Variants in SPRR2B observed in about 807,000 individuals in gnomAD.
The protein encoded by SPRR2B is small proline rich protein 2B.
Under a neutral mutation model 1.0 loss-of-function variants are expected in SPRR2B, and 1 was observed. The ratio of observed to expected loss-of-function variants is 1.01; its 90% CI spans 0.36 to 4.77. The LOEUF (loss-of-function observed/expected upper bound fraction) is 4.77. Among genes scored for constraint, SPRR2B ranks in the 30% most tolerant of loss-of-function variants. SPRR2B has a pLI of 0.16. For synonymous variants in SPRR2B, 27 were observed against 33.4 expected (o/e 0.81, Z 0.66); for missense variants, 53 against 88.7 (o/e 0.60, Z 1.62).
In SPRR2B at chr1:153,071,586, A is replaced by G. The variant is rs1654667481; in HGVS notation, c.-37T>C. Among the ~76,000 whole-genome samples, 1 of 152,042 alleles carries G rather than the reference A, an allele frequency of 6.6e-6. No homozygotes were observed. The highest frequency in any genetic ancestry group is 2.1e-4 in the South Asian group (1 of 4,830). ...AGACTAACCAGTTTCTCCAAAGCAG[A>G]TCGGTGCTCGAGTACCAGGAGTTTA... On this transcript the variant is annotated 5_prime_UTR_variant, in exon 1 of 2. Transcript: ENST00000368755.
the SPRR2B span, among the ~76,000 whole-genome samples, chr1:153,083,492 G>A: frequency 1.3e-5 from 2 of 152,194 alleles, no homozygotes; most frequent in African/African-American, 2.4e-5. Context: ...GATGCAGCCA[G>A]GTGGAACAGC....
chr1:153,075,084 G>A (rs1313303643), upstream of SPRR2B, among the ~76,000 whole-genome samples: 1 of 152,158 alleles, frequency 6.6e-6, no homozygotes, highest in Non-Finnish European at 1.5e-5. Flanking sequence ...GGTGGCTCAT[G>A]CCTGAAATCC....
At chr1:153,077,774 C>T in the SPRR2B span, among the ~76,000 whole-genome samples, 4 of 152,106 alleles carry the variant, frequency 2.6e-5, no homozygotes, top group Admixed American at 1.3e-4. Context: ...GCCACCACAC[C>T]CAGCTAATTT....
At chr1:153,078,349 T>A in the SPRR2B span, among the ~76,000 whole-genome samples, 1 of 148,444 alleles carries the variant, frequency 6.7e-6, no homozygotes, top group African/African-American at 2.5e-5. Flanking sequence ...ATATATTTCT[T>A]TTAAGGAGCT....
At chr1:153,085,893 A>C in the SPRR2B span, among the ~76,000 whole-genome samples, 3 of 152,238 alleles carry the variant, frequency 2.0e-5, no homozygotes, top group Non-Finnish European at 4.4e-5. Flanking sequence ...TTCTTAGAGA[A>C]AAGAAATACC....
At chr1:153,085,104 C>T in the SPRR2B span, among the ~76,000 whole-genome samples, 2 of 152,210 alleles carry the variant, frequency 1.3e-5, no homozygotes, top group Non-Finnish European at 1.5e-5. Flanking sequence ...TCTGACAACT[C>T]AAAAAGCCAA....
the SPRR2B span, among the ~76,000 whole-genome samples, chr1:153,080,373 C>T: frequency 6.6e-6 from 1 of 152,138 alleles, no homozygotes; most frequent in Non-Finnish European, 1.5e-5. Flanking sequence ...CACCTTACAG[C>T]TTTCTCAAGA....
the SPRR2B span, among the ~76,000 whole-genome samples, chr1:153,084,041 A>G: frequency 6.6e-6 from 1 of 152,152 alleles, no homozygotes; most frequent in Non-Finnish European, 1.5e-5. Flanking sequence ...GCCTGGATGC[A>G]CTTCCTTGCA....
At chr1:153,087,674 ACC>A in the SPRR2B span, among the ~76,000 whole-genome samples, 1 of 152,122 alleles carries the variant, frequency 6.6e-6, no homozygotes, top group African/African-American at 2.4e-5. Context: ...GGACACATAC[ACC>A]CTCCAAACCC....
the SPRR2B span, among the ~76,000 whole-genome samples, chr1:153,079,011 C>T: frequency 0.048 from 7,248 of 152,272 alleles, 574 homozygotes; most frequent in African/African-American, 0.17. Flanking sequence ...TCTCCACATC[C>T]TCTCCAGCAC....
the SPRR2B span, among the ~76,000 whole-genome samples, chr1:153,083,013 G>A: frequency 1.3e-5 from 2 of 152,198 alleles, no homozygotes; most frequent in Admixed American, 6.5e-5. Flanking sequence ...TTAAAAGAAA[G>A]GAGGAACATT....
chr1:153,087,762 C>T, the SPRR2B span, among the ~76,000 whole-genome samples: 1 of 152,122 alleles, frequency 6.6e-6, no homozygotes, highest in South Asian at 2.1e-4. Context: ...AATAGCCTAC[C>T]AGCCGAAATA....
the SPRR2B span, among the ~76,000 whole-genome samples, chr1:153,083,875 AG>A: frequency 2.6e-5 from 4 of 152,328 alleles, no homozygotes; most frequent in South Asian, 8.3e-4. Context: ...GAGCAGGGCT[AG>A]GGATGGCCAT....
the SPRR2B span, among the ~76,000 whole-genome samples, chr1:153,076,846 A>G: frequency 1.3e-5 from 2 of 152,358 alleles, no homozygotes; most frequent in Admixed American, 6.5e-5. Context: ...CATCACACCC[A>G]TGCAATGGAA....
upstream of SPRR2B, among the ~76,000 whole-genome samples, chr1:153,074,475 G>C (rs1008292726): frequency 1.3e-5 from 2 of 152,180 alleles, no homozygotes; most frequent in African/African-American, 4.8e-5. Flanking sequence ...GAAAGGCTAA[G>C]CATCCATTGT....
the SPRR2B span, among the ~76,000 whole-genome samples, chr1:153,078,126 T>A: frequency 2.7e-4 from 41 of 152,146 alleles, no homozygotes; most frequent in African/African-American, 9.6e-4. Context: ...CAACACAAAT[T>A]GGAAGAATGA....
At chr1:153,072,961 T>A (rs980216397), upstream of SPRR2B, among the ~76,000 whole-genome samples, 3 of 152,110 alleles carry the variant, frequency 2.0e-5, no homozygotes, top group African/African-American at 4.8e-5. Flanking sequence ...TGTGGTTTTA[T>A]AATTGGAGAA....
chr1:153,082,845 A>G, the SPRR2B span, among the ~76,000 whole-genome samples: 1 of 152,202 alleles, frequency 6.6e-6, no homozygotes, highest in African/African-American at 2.4e-5. Flanking sequence ...AAAAGAAAAC[A>G]TGAGCCTAGC....
At chr1:153,074,074 C>T (rs1654729028), upstream of SPRR2B, among the ~76,000 whole-genome samples, 1 of 152,126 alleles carries the variant, frequency 6.6e-6, no homozygotes, top group Non-Finnish European at 1.5e-5. Flanking sequence ...CCTCTGCTCC[C>T]CACTTATAGC....
Sources: gnomAD v4.1 joint callset for allele counts (sites outside exome capture counted in the v4.1 genomes callset) on GRCh38, gnomAD v4.1.1 for gene constraint, MANE v1.5 for transcripts, NCBI Gene and HGNC (gene_info 2026-07-23, HGNC 2026-07-21) for gene names.